Variants in DZIP1 observed in about 807,000 individuals in gnomAD.
The protein encoded by DZIP1 is DAZ interacting zinc finger protein 1.
In DZIP1, 97 loss-of-function variants were observed where a neutral mutation model predicts 107.6. The ratio of observed to expected loss-of-function variants is 0.90; its 90% CI spans 0.77 to 1.07. DZIP1 has a LOEUF of 1.07. Ranked by LOEUF, DZIP1 falls within the 50% of genes least tolerant of loss-of-function variation. The pLI is 0.00. For missense variants in DZIP1, 1,035 were observed against 1,063.6 expected, an observed-to-expected ratio of 0.97 and a Z score of 0.37; for synonymous variants, 390 against 386.4, an observed-to-expected ratio of 1.01 and a Z score of -0.11.
intron 8 of DZIP1, among the ~76,000 whole-genome samples, chr13:95,623,854 A>G (rs571327391): frequency 1.3e-5 from 2 of 152,288 alleles, no homozygotes; most frequent in South Asian, 4.1e-4. Context: ...CACGAGAATC[A>G]CTTGAACCCA....
chr13:95,642,245 C>T lies in DZIP1; in HGVS notation c.-212-4G>A, dbSNP rs982086115. 9 of 540,686 alleles carry T rather than the reference C, an allele frequency of 1.7e-5. No individual in the cohort carries two copies. The highest frequency in any genetic ancestry group is 1.0e-4 in the African/African-American group (5 of 49,668). The allele number at this position is 540,686 out of a possible 1,614,324, so 33.5% of individuals were successfully genotyped here. The stretch of plus-strand genomic sequence containing the variant: ...GGGTCAGCGTGCACCCAGAACCCTG[C>T]GGGACCAGAGAAGACCTCTTGGACG... On this transcript the variant is annotated splice_polypyrimidine_tract_variant and splice_region_variant and intron_variant, in intron 3 of 22. Coordinates refer to ENST00000376829, the MANE Select transcript of DZIP1 (RefSeq NM_198968.4).
chr13:95,612,875 G>A (rs867017391), intron 10 of DZIP1, among the ~76,000 whole-genome samples: 20 of 152,046 alleles, frequency 1.3e-4, no homozygotes, highest in African/African-American at 4.8e-4. Context: ...ATGAGCCACC[G>A]TGCCCAGCCC....
Position 95,587,618 on chromosome 13 carries a change from C to T in DZIP1, c.2139G>A (p.Gly713=), listed in dbSNP as rs775730696. The part of the protein sequence containing the change: ...VPPPQNKGSF[G]KNTVKSDADG... ...CCGCGTCACTTTTCACTGTGTTCTTCCCGAAGCTGCCCTTGTTTTGTGGTG... is the reference window on the plus strand; with the variant it reads ...CCGCGTCACTTTTCACTGTGTTCTTTCCGAAGCTGCCCTTGTTTTGTGGTG... The change falls in exon 20 of 23, where the codon GGG becomes GGA. Residue 713 remains glycine, a synonymous_variant. Transcript: ENST00000376829. The T allele has an allele frequency of 1.1e-5, 18 of 1,614,002 alleles. No homozygotes were observed. Among genetic ancestry groups the T allele is most frequent in the East Asian group, 8.9e-5 (4 of 44,884 alleles).
At chr13:95,598,603 CAT>C (rs1217799158) in intron 15 of DZIP1, among the ~76,000 whole-genome samples, 4 of 151,904 alleles carry the variant, frequency 2.6e-5, no homozygotes, top group Non-Finnish European at 5.9e-5. Flanking sequence ...AACCAGAACC[CAT>C]ATAAGTATTG....
intron 10 of DZIP1, among the ~76,000 whole-genome samples, chr13:95,618,538 C>T (rs927188564): frequency 6.6e-6 from 1 of 152,166 alleles, no homozygotes; most frequent in Admixed American, 6.5e-5. Flanking sequence ...ACTTTCCCAT[C>T]GAAGTTCCTC....
At chr13:95,636,088 G>A (rs1017930817) in intron 5 of DZIP1, among the ~76,000 whole-genome samples, 5 of 151,110 alleles carry the variant, frequency 3.3e-5, no homozygotes, top group Non-Finnish European at 5.9e-5. Context: ...ATCTAAAGAT[G>A]TTCTTCACAA....
chr13:95,641,422 TCG>T lies in DZIP1; in HGVS notation c.468_469del (p.Glu157AlafsTer47). The T allele has an allele frequency of 6.2e-7, 1 of 1,614,166 alleles. No homozygotes were observed. The highest frequency in any genetic ancestry group is 1.1e-5 in the South Asian group (1 of 91,076). On this transcript the variant is annotated frameshift_variant, in exon 5 of 23. Coordinates refer to ENST00000376829, the MANE Select transcript of DZIP1 (RefSeq NM_198968.4). LOFTEE classifies it high-confidence loss of function. This position sits in a 1 kb window ranked among gnomAD's most constrained non-coding sequence, Gnocchi z 4.3. ...CTTGGTGAGCAGCTTCTTGCTCTGCTCGCCGTCGCAGTGGCTCAGGCGCAGCC... is the reference window on the plus strand; with the variant it reads ...CTTGGTGAGCAGCTTCTTGCTCTGCTCCGTCGCAGTGGCTCAGGCGCAGCC...
chr13:95,592,221 A>C (rs1471326662), intron 16 of DZIP1, among the ~76,000 whole-genome samples: 1 of 152,200 alleles, frequency 6.6e-6, no homozygotes, highest in African/African-American at 2.4e-5. Context: ...AAAATAAGCA[A>C]AACAACAAAC....
intron 5 of DZIP1, among the ~76,000 whole-genome samples, chr13:95,637,979 T>A (rs1878023433): frequency 6.6e-6 from 1 of 152,158 alleles, no homozygotes; most frequent in Admixed American, 6.5e-5. Context: ...AAACAGATTT[T>A]CTCTGAGAAT....
intron 5 of DZIP1, among the ~76,000 whole-genome samples, chr13:95,639,047 T>C (rs1878174635): frequency 6.6e-6 from 1 of 152,174 alleles, no homozygotes. Flanking sequence ...TCCCAGGTAT[T>C]AGCTAAAACA....
At chr13:95,596,900 G>C (rs1245196452) in intron 15 of DZIP1, among the ~76,000 whole-genome samples, 1 of 152,216 alleles carries the variant, frequency 6.6e-6, no homozygotes, top group African/African-American at 2.4e-5. Flanking sequence ...CAATTAATCT[G>C]CTGCCAGTAT....
At chr13:95,604,451 C>T (rs1223636124) in intron 14 of DZIP1, among the ~76,000 whole-genome samples, 1 of 152,210 alleles carries the variant, frequency 6.6e-6, no homozygotes, top group Non-Finnish European at 1.5e-5. Context: ...TGATCCCCAT[C>T]CAAGGGCTGT....
rs75327118 is a variant in DZIP1, at chr13:95,634,334, G to A, written c.598-1013C>T. Among the ~76,000 whole-genome samples, 1,463 of 152,290 alleles carry A rather than the reference G, an allele frequency of 9.6e-3. 23 individuals are homozygous for A. Among genetic ancestry groups the A allele is most frequent in the African/African-American group, 0.034 (1,409 of 41,546 alleles). ...CCTGTCACAGTCTCTGTCACATCAC[G>A]TAGTCTTCTTTTCATCCTCATACAT... On this transcript the variant is annotated intron_variant, in intron 5 of 22. Transcript: ENST00000376829.
intron 9 of DZIP1, among the ~76,000 whole-genome samples, chr13:95,620,564 G>C (rs1408512887): frequency 1.3e-5 from 2 of 152,108 alleles, no homozygotes; most frequent in South Asian, 4.1e-4. Context: ...ATAGGCTCTG[G>C]GGGCCAGACA....
rs1419086750 is a variant in DZIP1 at position 95,604,495 on chromosome 13, C to CT, written c.1477+1507dup. Among the ~76,000 whole-genome samples, 5 of 152,188 alleles carry CT rather than the reference C, an allele frequency of 3.3e-5. No individual in the cohort carries two copies. In the East Asian group the frequency reaches 9.6e-4, roughly 29 times the overall value. ...TGCCAGGTCTGGCTGGCATTTAAAA[C>CT]TAGCATTTCAATCCCAGCAGATGCC... On this transcript the variant is annotated intron_variant, in intron 14 of 22. Coordinates refer to ENST00000376829, the MANE Select transcript of DZIP1 (RefSeq NM_198968.4).
chr13:95,603,262 A>G (rs2044670350), intron 14 of DZIP1, among the ~76,000 whole-genome samples: 2 of 142,802 alleles, frequency 1.4e-5, no homozygotes, highest in Admixed American at 7.5e-5. Context: ...AGCTATGATC[A>G]TATCACCACA....
chr13:95,611,362 C>A, intron 12 of DZIP1, 83 bp downstream of exon 12: 1 of 1,052,822 alleles, frequency 9.5e-7, no homozygotes, highest in South Asian at 1.3e-5. Flanking sequence ...CACACATAAA[C>A]AAGTGGGGCC....
intron 17 of DZIP1, 138 bp downstream of exon 17, chr13:95,590,141 G>C (rs993523196): frequency 8.4e-5 from 88 of 1,051,540 alleles, no homozygotes; most frequent in Non-Finnish European, 1.0e-4. Flanking sequence ...CAGTAAAAGA[G>C]TTGCCAGTGA....
At chr13:95,623,767 C>T (rs1305821963) in intron 8 of DZIP1, among the ~76,000 whole-genome samples, 2 of 151,972 alleles carry the variant, frequency 1.3e-5, no homozygotes, top group Non-Finnish European at 2.9e-5. Flanking sequence ...ATGGTGAAAC[C>T]GTCTCTACTA....
Sources: allele counts gnomAD v4.1 joint callset (sites outside exome capture counted in the v4.1 genomes callset), GRCh38; gene constraint gnomAD v4.1.1; non-coding constraint Gnocchi (gnomAD v3.1); transcripts MANE v1.5; gene names NCBI Gene and HGNC (gene_info 2026-07-23, HGNC 2026-07-21).